Variants in RORA observed in about 807,000 individuals in gnomAD.
RORA encodes the protein RAR related orphan receptor A, also known as nuclear receptor ROR-alpha.
In RORA, 7 loss-of-function variants were observed where a neutral mutation model predicts 69.5. That is an observed-to-expected ratio of 0.10 (90% CI 0.06 to 0.19). The LOEUF is 0.19. RORA is among the 10% of genes least tolerant of loss of function. The probability of loss-of-function intolerance (pLI) is 1.00; values close to 1 mark genes in which losing one functional copy is unlikely to be tolerated. For synonymous variants in RORA, 261 were observed against 240.8 expected, an observed-to-expected ratio of 1.08 and a Z score of -0.78; for missense variants, 457 against 663.0, an observed-to-expected ratio of 0.69 and a Z score of 3.41.
intron 2 of RORA, among the ~76,000 whole-genome samples, chr15:60,571,782 C>T (rs932965367): frequency 1.3e-5 from 2 of 152,170 alleles, no homozygotes; most frequent in African/African-American, 2.4e-5. Context: ...TTGTATTTAG[C>T]TATGTCACCT....
At chr15:60,899,331 A>G (rs529309773) in intron 1 of RORA, among the ~76,000 whole-genome samples, 1 of 152,342 alleles carries the variant, frequency 6.6e-6, no homozygotes, top group East Asian at 1.9e-4. Flanking sequence ...CAATAAGCCA[A>G]TGTTTAGTAT....
At chr15:60,747,258 GC>G (rs965996108) in intron 1 of RORA, among the ~76,000 whole-genome samples, 3 of 152,076 alleles carry the variant, frequency 2.0e-5, no homozygotes, top group Admixed American at 2.0e-4. Flanking sequence ...TAGAAACAAG[GC>G]AAGCTGGTGA....
chr15:61,198,937 C>G (rs576346758), intron 1 of RORA, among the ~76,000 whole-genome samples: 1 of 152,308 alleles, frequency 6.6e-6, no homozygotes, highest in Non-Finnish European at 1.5e-5. Flanking sequence ...AGCCTTCCTG[C>G]CTTTGCTGAG....
chr15:60,823,799 G>A (rs938583432), intron 1 of RORA, among the ~76,000 whole-genome samples: 9 of 86,462 alleles, frequency 1.0e-4, no homozygotes, highest in African/African-American at 3.3e-4. Context: ...GTGCTGATAA[G>A]AAATTAAAAA....
At chr15:60,557,015 T>C (rs1442223141) in intron 2 of RORA, 4 of 1,104,060 alleles carry the variant, frequency 3.6e-6, no homozygotes, top group Admixed American at 4.0e-5. Context: ...CCCCAAATGC[T>C]TGAACAGCAA....
intron 1 of RORA, among the ~76,000 whole-genome samples, chr15:60,731,565 G>A (rs2071428708): frequency 6.6e-6 from 1 of 152,226 alleles, no homozygotes. Context: ...CAACTGCTAA[G>A]AGGAAAAGTT....
rs143205714 is a variant in RORA at position 60,869,326 on chromosome 15, C to T, written c.167-190640G>A. On this transcript the variant is annotated intron_variant, in intron 1 of 10. Transcript: ENST00000335670. ...ATTTTATAAACAGATTTTTCTTTTC[C>T]ATGAAAATCCCAGGAGAGGCATCTA... 3.3e-4 allele frequency among the ~76,000 whole-genome samples: 51 copies of T among 152,244 alleles called. No homozygotes were observed. In the East Asian group the frequency reaches 9.5e-3, roughly 28 times the overall value.
chr15:60,976,664 G>C (rs1893880538), intron 1 of RORA, among the ~76,000 whole-genome samples: 1 of 152,156 alleles, frequency 6.6e-6, no homozygotes, highest in South Asian at 2.1e-4. Context: ...AGACAGGGAA[G>C]GTGCTAATCA....
chr15:60,913,508 T>G (rs1891788667), intron 1 of RORA, among the ~76,000 whole-genome samples: 1 of 152,228 alleles, frequency 6.6e-6, no homozygotes, highest in East Asian at 1.9e-4. Flanking sequence ...CCCCCGTGAC[T>G]GCCACGTGAC....
At chr15:61,153,770 ACAAT>A (rs375039114) in intron 1 of RORA, among the ~76,000 whole-genome samples, 81,435 of 152,110 alleles carry the variant, frequency 0.54, 22,410 homozygotes, top group Non-Finnish European at 0.59. Flanking sequence ...GGTTTCATGC[ACAAT>A]TGCTAAGAAC....
chr15:60,580,784 G>A (rs1444044805), intron 2 of RORA, among the ~76,000 whole-genome samples: 1 of 152,158 alleles, frequency 6.6e-6, no homozygotes, highest in Non-Finnish European at 1.5e-5. Context: ...TCTTTGATGT[G>A]CAAGTCACTG....
chr15:60,521,503 G>A (rs952891711), intron 3 of RORA, among the ~76,000 whole-genome samples: 3 of 152,154 alleles, frequency 2.0e-5, no homozygotes, highest in Non-Finnish European at 2.9e-5. Context: ...GCCTCCCAAA[G>A]TGCTCGGATT....
chr15:60,731,760 C>T (rs1188547271), intron 1 of RORA, among the ~76,000 whole-genome samples: 2 of 152,168 alleles, frequency 1.3e-5, no homozygotes, highest in African/African-American at 2.4e-5. Flanking sequence ...GCTGTTAGTG[C>T]CCAAAATGAA....
At chr15:60,878,401 T>G (rs967043802) in intron 1 of RORA, among the ~76,000 whole-genome samples, 12 of 150,630 alleles carry the variant, frequency 8.0e-5, no homozygotes, top group African/African-American at 2.9e-4. Context: ...ACAGAGTGAC[T>G]TTCTCCTCAC....
intron 1 of RORA, among the ~76,000 whole-genome samples, chr15:60,901,259 C>T (rs1891383140): frequency 6.6e-6 from 1 of 152,082 alleles, no homozygotes; most frequent in Non-Finnish European, 1.5e-5. Flanking sequence ...GCAACCACTC[C>T]CTCCTGGGTT....
intron 1 of RORA, among the ~76,000 whole-genome samples, chr15:60,696,720 G>A (rs1276782137): frequency 2.0e-5 from 3 of 152,086 alleles, no homozygotes; most frequent in Non-Finnish European, 1.5e-5. Context: ...CCCACTCACC[G>A]TGAAACACTT....
chr15:61,120,129 G>A (rs923907711), intron 1 of RORA, among the ~76,000 whole-genome samples: 1 of 152,142 alleles, frequency 6.6e-6, no homozygotes, highest in African/African-American at 2.4e-5. Flanking sequence ...AGAATCATCT[G>A]GAGAGTAAAT....
intron 1 of RORA, among the ~76,000 whole-genome samples, chr15:61,222,145 T>C (rs1030233206): frequency 1.1e-4 from 17 of 152,150 alleles, no homozygotes; most frequent in African/African-American, 3.9e-4. Context: ...TGGGGCAGCC[T>C]GGAGTCCTCC....
chr15:60,489,071 C>A lies in RORA; in HGVS notation c.*8384G>T, dbSNP rs1477441543. 6.6e-6 allele frequency: 1 copy of A among 152,132 alleles called. No homozygotes were observed. The highest frequency in any genetic ancestry group is 1.5e-5 in the Non-Finnish European group (1 of 68,018). The allele number at this position is 152,132 out of a possible 1,614,324, so 9.4% of individuals were successfully genotyped here. ...CAGACGCAAAAAGATACAATCTCTACCCTCAGGAAGCTTAGGATGCTAAAT... is the reference window on the plus strand; with the variant it reads ...CAGACGCAAAAAGATACAATCTCTAACCTCAGGAAGCTTAGGATGCTAAAT... On this transcript the variant is annotated 3_prime_UTR_variant, in exon 11 of 11. Transcript: ENST00000335670.
Sources: allele counts gnomAD v4.1 joint callset (sites outside exome capture counted in the v4.1 genomes callset), GRCh38; gene constraint gnomAD v4.1.1; transcripts MANE v1.5; gene names NCBI Gene and HGNC (gene_info 2026-07-23, HGNC 2026-07-21).